The following FREM2 variants were observed in gnomAD, a reference collection of about 807,000 sequenced individuals.
The protein encoded by FREM2 is FRAS1-related extracellular matrix protein 2.
Under a neutral mutation model 219.9 loss-of-function variants are expected in FREM2, and 119 were observed. The observed-to-expected ratio is 0.54, with a 90% confidence interval of 0.47 to 0.63. The LOEUF (loss-of-function observed/expected upper bound fraction) is 0.63. Ranked by LOEUF, FREM2 falls within the 30% of genes least tolerant of loss-of-function variation. The probability of loss-of-function intolerance (pLI) is 0.00; values close to 1 mark genes in which losing one functional copy is unlikely to be tolerated. For synonymous variants in FREM2, 1,562 were observed against 1,522.8 expected, an observed-to-expected ratio of 1.03 and a Z score of -0.60; for missense variants, 4,030 against 3,993.6, an observed-to-expected ratio of 1.01 and a Z score of -0.25.
intron 2 of FREM2, among the ~76,000 whole-genome samples, chr13:38,744,709 C>G (rs1353686843): frequency 6.6e-6 from 1 of 152,190 alleles, no homozygotes; most frequent in Admixed American, 6.5e-5. Context: ...CCAGGCTGGT[C>G]TTGAACTCCT....
chr13:38,814,218 A>C (rs190715337), intron 6 of FREM2, among the ~76,000 whole-genome samples: 1 of 151,970 alleles, frequency 6.6e-6, no homozygotes, highest in Non-Finnish European at 1.5e-5. Flanking sequence ...TCATTTGGTG[A>C]GGTCTTGTTT....
chr13:38,816,202 A>C (rs1381261196), intron 6 of FREM2, among the ~76,000 whole-genome samples: 2 of 152,222 alleles, frequency 1.3e-5, no homozygotes, highest in African/African-American at 4.8e-5. Context: ...AAAAAATTGA[A>C]GAGGAAGGAA....
chr13:38,827,921 T>C (rs1876357107), intron 6 of FREM2, among the ~76,000 whole-genome samples: 1 of 152,158 alleles, frequency 6.6e-6, no homozygotes, highest in South Asian at 2.1e-4. Flanking sequence ...TGAGATTATG[T>C]TTAAAGGAGA....
chr13:38,839,664 G>A (rs1028400440), intron 6 of FREM2, among the ~76,000 whole-genome samples: 1 of 152,198 alleles, frequency 6.6e-6, no homozygotes, highest in Non-Finnish European at 1.5e-5. Flanking sequence ...CAGAGAGGAG[G>A]AATCTAGAGA....
intron 2 of FREM2, among the ~76,000 whole-genome samples, chr13:38,699,319 C>T (rs967177357): frequency 1.3e-5 from 2 of 150,544 alleles, no homozygotes; most frequent in African/African-American, 5.0e-5. Flanking sequence ...TGCTCATACA[C>T]AAACACACAC....
chr13:38,864,775 A>G (rs1015801822), intron 16 of FREM2, 169 bp downstream of exon 16: 10 of 678,988 alleles, frequency 1.5e-5, no homozygotes, highest in African/African-American at 5.3e-5. Flanking sequence ...ATCCGTGTCT[A>G]TTTCTTAACA....
In FREM2 at chr13:38,687,288, C is replaced by T. The variant is rs961769693; in HGVS notation, c.-57C>T. ...CCGGCGGTGTCTCTTGTTGTCTGCCCGGGGACCGACTTCGCATGCTCTCAG... is the reference window on the plus strand; with the variant it reads ...CCGGCGGTGTCTCTTGTTGTCTGCCTGGGGACCGACTTCGCATGCTCTCAG... On this transcript the variant is annotated 5_prime_UTR_variant, in exon 1 of 24. Coordinates refer to ENST00000280481, the MANE Select transcript of FREM2 (RefSeq NM_207361.6). 5 of 1,554,332 alleles carry T rather than the reference C, an allele frequency of 3.2e-6. No individual in the cohort carries two copies. The African/African-American group carries it at 5.5e-5, about 17-fold the overall frequency.
chr13:38,736,806 G>C (rs1282996070), intron 2 of FREM2, among the ~76,000 whole-genome samples: 1 of 152,118 alleles, frequency 6.6e-6, no homozygotes. Context: ...AAATTACCCA[G>C]CAGACAGTGT....
At chr13:38,733,760 G>T (rs1161553286) in intron 2 of FREM2, among the ~76,000 whole-genome samples, 1 of 152,014 alleles carries the variant, frequency 6.6e-6, no homozygotes, top group East Asian at 1.9e-4. Flanking sequence ...CTCTTGCCTT[G>T]GCCTCCCAAA....
intron 6 of FREM2, among the ~76,000 whole-genome samples, chr13:38,840,202 G>A (rs1360798891): frequency 6.6e-6 from 1 of 152,032 alleles, no homozygotes; most frequent in African/African-American, 2.4e-5. Flanking sequence ...CCCTTGGCCA[G>A]GGGAGGGAGT....
chr13:38,845,614 C>T (rs2137905600), intron 6 of FREM2, among the ~76,000 whole-genome samples: 1 of 152,216 alleles, frequency 6.6e-6, no homozygotes, highest in Admixed American at 6.5e-5. Context: ...AAAATAAGCT[C>T]AAAATGAGTG....
intron 2 of FREM2, among the ~76,000 whole-genome samples, chr13:38,746,492 G>A: frequency 6.6e-6 from 1 of 152,122 alleles, no homozygotes; most frequent in East Asian, 1.9e-4. Context: ...GCCAGTGGGT[G>A]GGAGGCAGAG....
intron 3 of FREM2, among the ~76,000 whole-genome samples, chr13:38,768,181 T>C (rs1873516126): frequency 6.6e-6 from 1 of 152,224 alleles, no homozygotes; most frequent in African/African-American, 2.4e-5. Flanking sequence ...AAAAGTATAA[T>C]TTTTAACTAA....
chr13:38,687,289 G>C lies in FREM2; in HGVS notation c.-56G>C. The stretch of plus-strand genomic sequence containing the variant: ...CGGCGGTGTCTCTTGTTGTCTGCCC[G>C]GGGACCGACTTCGCATGCTCTCAGG... On this transcript the variant is annotated 5_prime_UTR_variant, in exon 1 of 24. Transcript: ENST00000280481. 6.4e-7 allele frequency: 1 copy of C among 1,555,058 alleles called. No individual in the cohort carries two copies. Among genetic ancestry groups the C allele is most frequent in the Non-Finnish European group, 8.7e-7 (1 of 1,149,198 alleles).
chr13:38,730,391 A>G (rs1425473103), intron 2 of FREM2, among the ~76,000 whole-genome samples: 1 of 152,218 alleles, frequency 6.6e-6, no homozygotes, highest in African/African-American at 2.4e-5. Context: ...AGAACGTAAC[A>G]TATGGAAGAT....
At chr13:38,879,868 A>G (rs937364118) in intron 23 of FREM2, among the ~76,000 whole-genome samples, 7 of 152,228 alleles carry the variant, frequency 4.6e-5, no homozygotes, top group Admixed American at 4.6e-4. Context: ...TGCAATAAGC[A>G]GCAAGACACA....
intron 2 of FREM2, among the ~76,000 whole-genome samples, chr13:38,748,088 G>T (rs1213789639): frequency 6.6e-6 from 1 of 151,972 alleles, no homozygotes; most frequent in African/African-American, 2.4e-5. Flanking sequence ...CCTAACCTTT[G>T]TCTCTTCTGA....
chr13:38,688,151 A>G lies in FREM2; in HGVS notation c.807A>G (p.Thr269=), dbSNP rs539273741. 16 of 1,613,366 alleles carry G rather than the reference A, an allele frequency of 9.9e-6. 1 individual carries two copies. The South Asian group carries it at 1.5e-4, about 15-fold the overall frequency. ...AACTAGGCGTGCGCTATCGCCACACAGCCGCCAGTCGCTCACCAAACAGGG... is the reference window on the plus strand; with the variant it reads ...AACTAGGCGTGCGCTATCGCCACACGGCCGCCAGTCGCTCACCAAACAGGG... ...FQELGVRYRH[T]AASRSPNRDW... is the part of the protein sequence containing the mutation. Residue 269 remains threonine (T), a synonymous_variant, in exon 1 of 24, where the codon ACA becomes ACG. Transcript: ENST00000280481.
intron 6 of FREM2, among the ~76,000 whole-genome samples, chr13:38,803,946 A>G (rs1875121051): frequency 6.6e-6 from 1 of 151,930 alleles, no homozygotes; most frequent in South Asian, 2.1e-4. Context: ...TTTTTTATTC[A>G]TTTGTGCCTA....
Sources: gnomAD v4.1 joint callset for allele counts (sites outside exome capture counted in the v4.1 genomes callset) on GRCh38, gnomAD v4.1.1 for gene constraint, MANE v1.5 for transcripts, NCBI Gene and HGNC (gene_info 2026-07-23, HGNC 2026-07-21) for gene names.